Variants in CALN1 observed in about 807,000 individuals in gnomAD.
CALN1 encodes calneuron 1, also known as calcium-binding protein 8.
A neutral mutation model predicts 30.6 loss-of-function variants in CALN1; 17 were observed. The observed-to-expected ratio is 0.56, with a 90% CI of 0.38 to 0.83. CALN1 has a LOEUF of 0.83. CALN1 is among the 40% of genes least tolerant of loss of function. The probability of loss-of-function intolerance (pLI) is 0.00; values close to 1 mark genes in which losing one functional copy is unlikely to be tolerated. For synonymous variants in CALN1, 156 were observed against 131.4 expected (o/e 1.19, Z -1.28); for missense variants, 291 against 354.9 (o/e 0.82, Z 1.45).
rs989636356 is a variant in CALN1 at position 72,318,783 on chromosome 7, C to A, written c.120-39973G>T. Among the ~76,000 whole-genome samples the A allele has an allele frequency of 4.8e-5, 6 of 126,082 alleles. No individual in the cohort carries two copies. In the East Asian group the frequency reaches 1.6e-3, roughly 34 times the overall value. 82.7% of individuals were successfully genotyped at this position (126,082 alleles called of 152,430 possible). A position where few individuals can be genotyped will look rare whatever the true frequency, so the allele number is the denominator to read the frequency against. ...CCCAGACTAGTCTCAAACTCTTGGA[C>A]TCAAGCAGTCCTCCCACCTCAGCCT... On this transcript the variant is annotated intron_variant, in intron 2 of 6. Coordinates refer to ENST00000395275, the MANE Select transcript of CALN1 (RefSeq NM_031468.4).
chr7:72,190,369 T>C (rs1410874830), intron 3 of CALN1, among the ~76,000 whole-genome samples: 1 of 152,086 alleles, frequency 6.6e-6, no homozygotes, highest in East Asian at 1.9e-4. Context: ...AGAAAAAGCT[T>C]CAGCAGGTCT....
chr7:71,967,679 A>G (rs1267754788), intron 5 of CALN1, among the ~76,000 whole-genome samples: 1 of 151,456 alleles, frequency 6.6e-6, no homozygotes, highest in Non-Finnish European at 1.5e-5. Context: ...GTCTGTGCCC[A>G]GAATAAAGAA....
rs1044763161 is a variant in CALN1 at position 71,833,362 on chromosome 7, C to G, written c.502-22870G>C. Among the ~76,000 whole-genome samples the G allele has an allele frequency of 2.6e-5, 4 of 152,180 alleles. 1 individual carries two copies. The highest frequency in any genetic ancestry group is 9.6e-5 in the African/African-American group (4 of 41,512). On this transcript the variant is annotated intron_variant, in intron 5 of 6. Coordinates refer to ENST00000395275, the MANE Select transcript of CALN1 (RefSeq NM_031468.4). ...GCCCTAGATCAATATTTGTTGAATA[C>G]AAGGATGAGTGCACATTGTCCTAAG... is the stretch of plus-strand genomic sequence containing the variant.
chr7:72,151,491 G>A (rs868554891), intron 3 of CALN1, among the ~76,000 whole-genome samples: 9 of 152,206 alleles, frequency 5.9e-5, no homozygotes, highest in Middle Eastern at 3.4e-3. Context: ...GGGTTGGGGC[G>A]CCAACATATT....
chr7:71,878,296 G>A (rs1792365954), intron 5 of CALN1, among the ~76,000 whole-genome samples: 1 of 152,194 alleles, frequency 6.6e-6, no homozygotes, highest in Admixed American at 6.5e-5. Context: ...CAGCTACTTG[G>A]GAGGTGGAGG....
rs1358461723 is a variant in CALN1, at chr7:71,994,976, C to T, written c.501+28681G>A. On this transcript the variant is annotated intron_variant, in intron 5 of 6. Transcript: ENST00000395275. Reference sequence around the variant, plus strand: ...CACGCCATTCTCCTGCCTCAGCCTCCTGAGTAGCTGGGACTACAGGCGCCC... The same window carrying T: ...CACGCCATTCTCCTGCCTCAGCCTCTTGAGTAGCTGGGACTACAGGCGCCC... 2.0e-5 allele frequency among the ~76,000 whole-genome samples: 3 copies of T among 151,994 alleles called. No individual in the cohort carries two copies. The East Asian group carries it at 5.8e-4, about 29-fold the overall frequency.
chr7:72,224,005 G>T (rs960855893), intron 3 of CALN1, among the ~76,000 whole-genome samples: 1 of 152,048 alleles, frequency 6.6e-6, no homozygotes, highest in Non-Finnish European at 1.5e-5. Flanking sequence ...CTAGAGGGAG[G>T]ATGTAGGGAG....
At chr7:72,321,028 T>C (rs535465918) in intron 2 of CALN1, among the ~76,000 whole-genome samples, 5 of 152,234 alleles carry the variant, frequency 3.3e-5, no homozygotes, top group East Asian at 3.9e-4. Context: ...AATTAACCTA[T>C]GCCAAGTACT....
chr7:71,953,459 G>A (rs950342685), intron 5 of CALN1, among the ~76,000 whole-genome samples: 7 of 152,098 alleles, frequency 4.6e-5, no homozygotes, highest in South Asian at 4.1e-4. Flanking sequence ...TCATTGGCAG[G>A]AGAAAGATAT....
In CALN1 at chr7:72,077,154, C is replaced by T. The variant is rs6968019; in HGVS notation, c.388+28997G>A. Among the ~76,000 whole-genome samples the T allele has an allele frequency of 5.7e-3, 873 of 152,288 alleles. 8 individuals are homozygous for T. The highest frequency in any genetic ancestry group is 0.02 in the African/African-American group (826 of 41,570). The stretch of plus-strand genomic sequence containing the variant: ...ACCTTCTATGCATGTAACAAAACAT[C>T]ACCAGGACTCCATACGTATTTGCAA... On this transcript the variant is annotated intron_variant, in intron 4 of 6. Coordinates refer to ENST00000395275, the MANE Select transcript of CALN1 (RefSeq NM_031468.4).
intron 3 of CALN1, among the ~76,000 whole-genome samples, chr7:72,259,931 G>C (rs1054614514): frequency 6.6e-6 from 1 of 152,186 alleles, no homozygotes; most frequent in Non-Finnish European, 1.5e-5. Context: ...GATCTCATCA[G>C]CAAGCATCAA....
At chr7:72,322,577 A>G (rs1800961504) in intron 2 of CALN1, among the ~76,000 whole-genome samples, 1 of 152,096 alleles carries the variant, frequency 6.6e-6, no homozygotes, top group African/African-American at 2.4e-5. Flanking sequence ...CAAACTTTGC[A>G]TGTTCCCACC....
intron 2 of CALN1, among the ~76,000 whole-genome samples, chr7:72,393,801 G>C (rs1032510980): frequency 2.1e-5 from 3 of 145,104 alleles, no homozygotes; most frequent in South Asian, 2.2e-4. Flanking sequence ...CCAGGCTGCT[G>C]CACAGTGGCA....
intron 3 of CALN1, among the ~76,000 whole-genome samples, chr7:72,226,297 T>C (rs957373521): frequency 2.7e-5 from 4 of 149,646 alleles, no homozygotes; most frequent in Non-Finnish European, 6.0e-5. Flanking sequence ...AAACTGTTCA[T>C]GCCACCGAGA....
the CALN1 span, among the ~76,000 whole-genome samples, chr7:72,488,694 T>C: frequency 6.6e-6 from 1 of 152,146 alleles, no homozygotes; most frequent in Non-Finnish European, 1.5e-5. Context: ...CCATTCACTT[T>C]TTTTTTAGAT....
intron 1 of CALN1, among the ~76,000 whole-genome samples, chr7:72,444,548 G>A (rs1315599924): frequency 6.6e-6 from 1 of 152,146 alleles, no homozygotes; most frequent in Non-Finnish European, 1.5e-5. Context: ...CGCCATGCCA[G>A]GCCCTTTGCT....
At chr7:71,921,534 C>CA (rs1794945346) in intron 5 of CALN1, among the ~76,000 whole-genome samples, 1 of 151,938 alleles carries the variant, frequency 6.6e-6, no homozygotes, top group South Asian at 2.1e-4. Flanking sequence ...AAGAAGAAGA[C>CA]AAAAAACCAC....
At chr7:71,798,703 C>A (rs1258001388) in intron 6 of CALN1, among the ~76,000 whole-genome samples, 1 of 146,396 alleles carries the variant, frequency 6.8e-6, no homozygotes, top group East Asian at 2.2e-4. Context: ...CTCACTGCAA[C>A]CTCTGCCTCC....
At chr7:72,411,237 C>A (rs990185734) in intron 1 of CALN1, among the ~76,000 whole-genome samples, 1 of 152,010 alleles carries the variant, frequency 6.6e-6, no homozygotes, top group African/African-American at 2.4e-5. Context: ...AACTGTATTT[C>A]AAGTTAATGG....
Sources: gnomAD v4.1 joint callset for allele counts (sites outside exome capture counted in the v4.1 genomes callset) on GRCh38, gnomAD v4.1.1 for gene constraint, MANE v1.5 for transcripts, NCBI Gene and HGNC (gene_info 2026-07-23, HGNC 2026-07-21) for gene names.